Variants in IFT140 observed in about 807,000 individuals in gnomAD.
IFT140 encodes the protein intraflagellar transport 140.
Under a neutral mutation model 164.6 loss-of-function variants are expected in IFT140, and 133 were observed. That is an observed-to-expected ratio of 0.81 (90% CI 0.70 to 0.93). The LOEUF (loss-of-function observed/expected upper bound fraction) is 0.93, where lower values mean the gene tolerates loss of function less well. Among genes scored for constraint, IFT140 ranks in the 40% least tolerant of loss-of-function variants. The pLI, the probability that IFT140 is intolerant of heterozygous loss-of-function variation, is 0.00. For synonymous variants in IFT140, 860 were observed against 817.3 expected (o/e 1.05, Z -0.89); for missense variants, 2,045 against 1,972.3 (o/e 1.04, Z -0.70).
chr16:1,525,222 GA>G lies in IFT140; in HGVS notation c.2864+8del. ...GTGCGGTCCCACCAGCCCTGGTGGG[GA>G]CACTCACTTATCCTTCATTTTATTC... On this transcript the variant is annotated splice_region_variant and intron_variant, in intron 22 of 30. Coordinates refer to ENST00000426508, the MANE Select transcript of IFT140 (RefSeq NM_014714.4). 6.2e-7 allele frequency: 1 copy of G among 1,600,576 alleles called. No individual in the cohort carries two copies. Among genetic ancestry groups the G allele is most frequent in the Non-Finnish European group, 8.5e-7 (1 of 1,169,740 alleles).
rs116897177 is a variant in IFT140 at position 1,528,009 on chromosome 16, C to G, written c.2400-1213G>C. Among the ~76,000 whole-genome samples, 804 of 152,322 alleles carry G rather than the reference C, an allele frequency of 5.3e-3. 5 individuals are homozygous for G. The highest frequency in any genetic ancestry group is 9.1e-3 in the Non-Finnish European group (619 of 68,012). On this transcript the variant is annotated intron_variant, in intron 19 of 30. Coordinates refer to ENST00000426508, the MANE Select transcript of IFT140 (RefSeq NM_014714.4). ...GCTGACAGCCACTCTAGGGACATGA[C>G]GCTGCATGAGAACCGTGTGTCCGCA...
intron 19 of IFT140, chr16:1,534,296 G>T (rs1211137637): frequency 1.2e-6 from 2 of 1,612,386 alleles, no homozygotes; most frequent in Admixed American, 3.3e-5. Context: ...AGAGACTCGT[G>T]GCCGCGGCCG....
intron 6 of IFT140, among the ~76,000 whole-genome samples, chr16:1,590,322 T>C (rs1187470685): frequency 4.0e-5 from 6 of 151,878 alleles, no homozygotes; most frequent in African/African-American, 7.3e-5. Flanking sequence ...CCTCTGCCCC[T>C]GTCTTGGAGG....
intron 30 of IFT140, among the ~76,000 whole-genome samples, chr16:1,512,774 A>G (rs1019313030): frequency 2.6e-5 from 4 of 152,220 alleles, no homozygotes; most frequent in African/African-American, 9.6e-5. Flanking sequence ...TGGGCGACAG[A>G]GCAAGACCTC....
Position 1,553,135 on chromosome 16 carries a change from T to C in IFT140, c.2399+4800A>G. 2 of 985,432 alleles carry C rather than the reference T, an allele frequency of 2.0e-6. No individual in the cohort carries two copies. Among genetic ancestry groups the C allele is most frequent in the Non-Finnish European group, 2.4e-6 (2 of 829,932 alleles). The allele number at this position is 985,432 out of a possible 1,614,324, so 61.0% of individuals were successfully genotyped here. A position where few individuals can be genotyped will look rare whatever the true frequency, so the allele number is the denominator to read the frequency against. ...TACAGTGATGATGAAAAGATAATGC[T>C]TGGGTTTTTAGGAAAAACAAGGCTG... On this transcript the variant is annotated intron_variant, in intron 19 of 30. Coordinates refer to ENST00000426508, the MANE Select transcript of IFT140 (RefSeq NM_014714.4). The surrounding 1 kb of genome is among the most constrained non-coding windows in gnomAD (Gnocchi z 4.4).
At position 1,510,896 on chromosome 16, in the gene IFT140, A is replaced by C; in HGVS notation, c.*48T>G. 5.8e-6 allele frequency: 9 copies of C among 1,551,304 alleles called. No homozygotes were observed. The highest frequency in any genetic ancestry group is 7.9e-6 in the Non-Finnish European group (9 of 1,135,430). ...TTGCCACAGCTGACAAAAAAATTCCAGAAGATGCCTTTCTGCAGCAGCACG... is the reference window on the plus strand; with the variant it reads ...TTGCCACAGCTGACAAAAAAATTCCCGAAGATGCCTTTCTGCAGCAGCACG... On this transcript the variant is annotated 3_prime_UTR_variant, in exon 31 of 31. Transcript: ENST00000426508.
chr16:1,516,178 A>AAAAAAAAAAAAAAC (rs2040337804), intron 30 of IFT140, among the ~76,000 whole-genome samples: 1 of 59,222 alleles, frequency 1.7e-5, no homozygotes, highest in Non-Finnish European at 2.7e-5. Context: ...AAAAAAAAAA[A>AAAAAAAAAAAAAAC]CACCAGAAAT....
chr16:1,566,117 AAC>A, intron 16 of IFT140, 42 bp downstream of exon 16: 2 of 1,600,460 alleles, frequency 1.2e-6, no homozygotes, highest in Non-Finnish European at 1.7e-6. Flanking sequence ...GAAGTAACTG[AAC>A]ATCATTTTTT....
chr16:1,528,504 C>T (rs2030056243), intron 19 of IFT140, among the ~76,000 whole-genome samples: 1 of 152,038 alleles, frequency 6.6e-6, no homozygotes, highest in Admixed American at 6.5e-5. Context: ...CATACACACA[C>T]ATGCAGGCAC....
At position 1,515,284 on chromosome 16, in the gene IFT140, A is replaced by G. The variant is rs115986929; in HGVS notation, c.4182+2932T>C. ...AGAAAGTCATGACAGCAGCCAGTGC[A>G]GTGGGAGATGGAGAGACACATGACA... On this transcript the variant is annotated intron_variant, in intron 30 of 30. Transcript: ENST00000426508. Among the ~76,000 whole-genome samples the G allele has an allele frequency of 2.2e-3, 336 of 152,344 alleles. 1 individual carries two copies. Among genetic ancestry groups the G allele is most frequent in the African/African-American group, 7.4e-3 (308 of 41,580 alleles).
At chr16:1,593,575 C>G (rs897437008) in intron 4 of IFT140, among the ~76,000 whole-genome samples, 9 of 152,132 alleles carry the variant, frequency 5.9e-5, no homozygotes, top group Admixed American at 2.6e-4. Context: ...CTCCTCTGGG[C>G]TATGACAGGG....
In IFT140 at chr16:1,510,965, TTCCACCACCTCCTCG is replaced by T; in HGVS notation, c.4353_4367del (p.Asp1451_Val1455del). 1 of 1,612,334 alleles carries T rather than the reference TTCCACCACCTCCTCG, an allele frequency of 6.2e-7. No homozygotes were observed. Among genetic ancestry groups the T allele is most frequent in the Non-Finnish European group, 8.5e-7 (1 of 1,179,544 alleles). On this transcript the variant is annotated inframe_deletion, in exon 31 of 31. Coordinates refer to ENST00000426508, the MANE Select transcript of IFT140 (RefSeq NM_014714.4). Reference sequence around the variant, plus strand: ...CCCCTCAGGGGTCGTCATCTGCCTCTTCCACCACCTCCTCGTCCAGCTCCCTGGCGTCCTCCATGC... The same window carrying T: ...CCCCTCAGGGGTCGTCATCTGCCTCTTCCAGCTCCCTGGCGTCCTCCATGC...
At chr16:1,603,065 A>G (rs2142048548) in intron 3 of IFT140, among the ~76,000 whole-genome samples, 1 of 152,294 alleles carries the variant, frequency 6.6e-6, no homozygotes, top group South Asian at 2.1e-4. Context: ...TTTTCATAAA[A>G]ACGCACCAAC....
intron 4 of IFT140, among the ~76,000 whole-genome samples, chr16:1,598,888 TGAGGA>T (rs2035605235): frequency 6.7e-6 from 1 of 148,642 alleles, no homozygotes; most frequent in Non-Finnish European, 1.5e-5. Context: ...GTCTGGGATG[TGAGGA>T]GCCCCTCTGC....
chr16:1,610,475 C>G (rs1450571321), intron 2 of IFT140, 189 bp downstream of exon 2: 1 of 154,392 alleles, frequency 6.5e-6, no homozygotes, highest in Admixed American at 6.5e-5. Context: ...GACGAGCGAC[C>G]TGGACCCCGC....
At chr16:1,545,273 G>A (rs867480900) in intron 19 of IFT140, among the ~76,000 whole-genome samples, 2 of 151,980 alleles carry the variant, frequency 1.3e-5, no homozygotes, top group Admixed American at 1.3e-4. Context: ...TTCAACAACC[G>A]CCAGAACGGC....
At chr16:1,587,514 T>C (rs1336881153) in intron 8 of IFT140, among the ~76,000 whole-genome samples, 2 of 152,178 alleles carry the variant, frequency 1.3e-5, no homozygotes, top group Non-Finnish European at 2.9e-5. Context: ...AGATGGTGGT[T>C]TGTATATGGC....
intron 4 of IFT140, among the ~76,000 whole-genome samples, chr16:1,593,960 A>C (rs1168547079): frequency 1.3e-5 from 2 of 152,218 alleles, no homozygotes; most frequent in Non-Finnish European, 2.9e-5. Context: ...GGGCTTCTTC[A>C]GCATGGGAGA....
At chr16:1,519,332 A>G (rs369736362) in intron 29 of IFT140, among the ~76,000 whole-genome samples, 18 of 152,324 alleles carry the variant, frequency 1.2e-4, no homozygotes, top group East Asian at 3.9e-4. Context: ...GTGGCCACAC[A>G]GCAGCTCTCT....
Sources: allele counts gnomAD v4.1 joint callset (sites outside exome capture counted in the v4.1 genomes callset), GRCh38; gene constraint gnomAD v4.1.1; non-coding constraint Gnocchi (gnomAD v3.1); transcripts MANE v1.5; gene names NCBI Gene and HGNC (gene_info 2026-07-23, HGNC 2026-07-21).